Variants in EYA1 observed in about 807,000 individuals in gnomAD.
EYA1 encodes EYA transcriptional coactivator and phosphatase 1, also known as protein phosphatase EYA1.
EYA1 carries 16 observed loss-of-function variants against 82.0 expected under a neutral mutation model. The observed-to-expected ratio is 0.20, with a 90% CI of 0.13 to 0.30. EYA1 has a LOEUF of 0.30. Ranked by LOEUF, EYA1 falls within the 10% of genes least tolerant of loss-of-function variation. The probability of loss-of-function intolerance (pLI) is 1.00; values close to 1 mark genes in which losing one functional copy is unlikely to be tolerated. For synonymous variants in EYA1, 261 were observed against 264.4 expected (o/e 0.99, Z 0.12); for missense variants, 633 against 730.7 (o/e 0.87, Z 1.54).
chr8:71,314,058 C>A (rs187950865), intron 7 of EYA1, among the ~76,000 whole-genome samples: 213 of 152,130 alleles, frequency 1.4e-3, no homozygotes, highest in African/African-American at 4.7e-3. Flanking sequence ...CCCCATATTG[C>A]CAAAATATAT....
chr8:71,222,308 A>G (rs1035433615), intron 12 of EYA1, among the ~76,000 whole-genome samples: 5 of 148,072 alleles, frequency 3.4e-5, no homozygotes, highest in Non-Finnish European at 5.9e-5. Context: ...GTACAGATAG[A>G]TTATGTGGAA....
chr8:71,331,514 T>C (rs868585926), intron 4 of EYA1, among the ~76,000 whole-genome samples: 1 of 149,706 alleles, frequency 6.7e-6, no homozygotes, highest in Non-Finnish European at 1.5e-5. Flanking sequence ...CACATATATA[T>C]AATGTAAAAA....
intron 9 of EYA1, 101 bp from the exon 10 acceptor site, chr8:71,271,998 C>T: frequency 8.2e-7 from 1 of 1,215,852 alleles, no homozygotes; most frequent in East Asian, 2.3e-5. Context: ...TAGTAAAGCA[C>T]ATTTCATTCT....
At chr8:71,268,575 T>C (rs946469053) in intron 11 of EYA1, among the ~76,000 whole-genome samples, 5 of 152,360 alleles carry the variant, frequency 3.3e-5, no homozygotes, top group Middle Eastern at 6.8e-3. Context: ...TAATCTGCAT[T>C]TTTGTTGTCT....
At chr8:71,394,492 T>C (rs1445028925) in intron 2 of EYA1, among the ~76,000 whole-genome samples, 1 of 152,160 alleles carries the variant, frequency 6.6e-6, no homozygotes, top group African/African-American at 2.4e-5. Flanking sequence ...AGGGATCCAG[T>C]TTCAGCTTTC....
intron 2 of EYA1, among the ~76,000 whole-genome samples, chr8:71,457,510 C>A (rs964460769): frequency 7.2e-5 from 11 of 152,152 alleles, no homozygotes; most frequent in African/African-American, 2.2e-4. Flanking sequence ...TGGAACCAAC[C>A]CAAATGTCCA....
chr8:71,242,196 A>G (rs1812551754), intron 12 of EYA1, among the ~76,000 whole-genome samples: 1 of 152,142 alleles, frequency 6.6e-6, no homozygotes, highest in Admixed American at 6.6e-5. Flanking sequence ...ACAGAGCAAG[A>G]CCCTATCTCA....
In EYA1 at chr8:71,539,145, G is replaced by T. The variant is rs553365844; in HGVS notation, c.-72-3297C>A. 3.3e-5 allele frequency among the ~76,000 whole-genome samples: 5 copies of T among 152,028 alleles called. No individual in the cohort carries two copies. In the East Asian group the frequency reaches 9.7e-4, roughly 29 times the overall value. ...CCTGTCTACCAAGTCTAACATTCTG[G>T]GTTAGCTATTCACCCTAAGCATAGA... is the stretch of plus-strand genomic sequence containing the variant. On this transcript the variant is annotated intron_variant, in intron 1 of 18. Transcript: ENST00000643681.
At position 71,214,026 on chromosome 8, in the gene EYA1, T is replaced by C. The variant is rs575446857; in HGVS notation, c.1597+1361A>G. Among the ~76,000 whole-genome samples, 4 of 152,280 alleles carry C rather than the reference T, an allele frequency of 2.6e-5. No homozygotes were observed. The East Asian group carries it at 7.7e-4, about 29-fold the overall frequency. ...AACAAATAATTATAAAAGTCAGTAA[T>C]TTTTTAGTAATCATTTAGTAAATGC... On this transcript the variant is annotated intron_variant, in intron 16 of 17. Transcript: ENST00000340726.
chr8:71,356,677 T>A (rs1003451661), intron 1 of EYA1, 166 bp from the exon 2 acceptor site: 54 of 1,316,460 alleles, frequency 4.1e-5, no homozygotes, highest in Non-Finnish European at 4.9e-5. Flanking sequence ...AGTTGAGGTC[T>A]CAACTGTTGT....
At chr8:71,430,755 C>T (rs565785592) in intron 2 of EYA1, among the ~76,000 whole-genome samples, 30 of 152,146 alleles carry the variant, frequency 2.0e-4, no homozygotes, top group African/African-American at 6.7e-4. Flanking sequence ...ATGAAGAAGC[C>T]AGAGGGTAAG....
intron 7 of EYA1, among the ~76,000 whole-genome samples, chr8:71,302,197 A>G (rs1820273297): frequency 6.6e-6 from 1 of 152,174 alleles, no homozygotes; most frequent in Non-Finnish European, 1.5e-5. Flanking sequence ...ACGACTTGCT[A>G]TTTTCATTTA....
intron 2 of EYA1, among the ~76,000 whole-genome samples, chr8:71,368,080 C>T (rs994633380): frequency 1.1e-4 from 17 of 152,088 alleles, no homozygotes; most frequent in Admixed American, 6.5e-5. Context: ...CTGCCTCTTT[C>T]AGGGATTCTG....
At chr8:71,382,417 T>G (rs971704810) in intron 2 of EYA1, among the ~76,000 whole-genome samples, 3 of 152,136 alleles carry the variant, frequency 2.0e-5, no homozygotes, top group African/African-American at 7.2e-5. Context: ...AATATCCTAA[T>G]TATTCCAATG....
intron 1 of EYA1, among the ~76,000 whole-genome samples, chr8:71,546,390 T>C (rs1364766065): frequency 5.9e-5 from 9 of 152,206 alleles, no homozygotes; most frequent in Non-Finnish European, 2.9e-5. Context: ...TTGGTGTCTC[T>C]GAACAAAATG....
rs147351412 is a variant in EYA1 at position 71,503,676 on chromosome 8, C to T, written c.33+32068G>A. 1.7e-3 allele frequency among the ~76,000 whole-genome samples: 256 copies of T among 152,292 alleles called. 1 individual carries two copies. The highest frequency in any genetic ancestry group is 3.4e-3 in the Middle Eastern group (1 of 294). On this transcript the variant is annotated intron_variant, in intron 2 of 18. Transcript: ENST00000643681. Reference sequence around the variant, plus strand: ...CTGATACTAGGAATAACTACTTCTTCGACAAATGATAACCAATGTTATTTG... The same window carrying T: ...CTGATACTAGGAATAACTACTTCTTTGACAAATGATAACCAATGTTATTTG...
At chr8:71,452,259 C>G (rs1171134702) in intron 2 of EYA1, among the ~76,000 whole-genome samples, 1 of 152,210 alleles carries the variant, frequency 6.6e-6, no homozygotes, top group East Asian at 1.9e-4. Flanking sequence ...AGTAGGTAAA[C>G]AAAGTGGCCA....
At chr8:71,270,184 T>C (rs1586102998) in intron 10 of EYA1, 1 of 196,048 alleles carries the variant, frequency 5.1e-6, no homozygotes, top group African/African-American at 2.3e-5. Flanking sequence ...TAATCATATA[T>C]CATTTATCTT....
At chr8:71,354,269 A>T (rs1826617941) in intron 3 of EYA1, among the ~76,000 whole-genome samples, 1 of 152,176 alleles carries the variant, frequency 6.6e-6, no homozygotes, top group South Asian at 2.1e-4. Context: ...AATACTTTTT[A>T]AAAATTATTT....
Sources: gnomAD v4.1 joint callset for allele counts (sites outside exome capture counted in the v4.1 genomes callset) on GRCh38, gnomAD v4.1.1 for gene constraint, MANE v1.5 for transcripts, NCBI Gene and HGNC (gene_info 2026-07-23, HGNC 2026-07-21) for gene names.